The following AGTPBP1 variants were observed in gnomAD, a reference collection of about 807,000 sequenced individuals.
AGTPBP1 encodes ATP/GTP binding carboxypeptidase 1, also known as cytosolic carboxypeptidase 1.
Under a neutral mutation model 143.9 loss-of-function variants are expected in AGTPBP1, and 70 were observed. The ratio of observed to expected loss-of-function variants is 0.49; its 90% CI spans 0.40 to 0.59. The LOEUF (loss-of-function observed/expected upper bound fraction) is 0.59. AGTPBP1 is among the 20% of genes least tolerant of loss of function. The pLI is 0.00. For synonymous variants in AGTPBP1, 463 were observed against 500.2 expected, an observed-to-expected ratio of 0.93 and a Z score of 0.99; for missense variants, 1,229 against 1,464.5, an observed-to-expected ratio of 0.84 and a Z score of 2.62.
chr9:85,575,431 T>C lies in AGTPBP1; in HGVS notation c.3387A>G (p.Lys1129=). The change falls in exon 25 of 26, where the codon AAA becomes AAG. Residue 1129 remains lysine (K), a synonymous_variant. Transcript: ENST00000357081. ...GTRELEEMGA[K]FCVGLLRLKR... is the part of the protein sequence containing the mutation. Reference sequence around the variant, plus strand: ...TCAAACGTAAAAGACCAACACAAAATTTTGCTCCCATCTCTTCCAGTTCTC... The same window carrying C: ...TCAAACGTAAAAGACCAACACAAAACTTTGCTCCCATCTCTTCCAGTTCTC... The C allele has an allele frequency of 6.2e-7, 1 of 1,608,908 alleles. No individual in the cohort carries two copies. Among genetic ancestry groups the C allele is most frequent in the Non-Finnish European group, 8.5e-7 (1 of 1,178,708 alleles).
At chr9:85,800,000 T>C in the AGTPBP1 span, among the ~76,000 whole-genome samples, 6 of 152,292 alleles carry the variant, frequency 3.9e-5, no homozygotes, top group Admixed American at 2.6e-4. Context: ...GGTTTTCCCC[T>C]AAGAAGCTTC....
At chr9:85,786,129 G>T in the AGTPBP1 span, 2 of 1,607,092 alleles carry the variant, frequency 1.2e-6, no homozygotes, top group Non-Finnish European at 1.7e-6. Flanking sequence ...GAGTCCTGAA[G>T]CCAGAAGGAG....
chr9:85,660,120 G>C (rs1427827960), intron 9 of AGTPBP1, among the ~76,000 whole-genome samples: 1 of 151,718 alleles, frequency 6.6e-6, no homozygotes, highest in Non-Finnish European at 1.5e-5. Flanking sequence ...TTAAAATGTA[G>C]GGGCAAGTTG....
At chr9:85,609,149 AC>A (rs1830163322) in intron 17 of AGTPBP1, among the ~76,000 whole-genome samples, 2 of 152,186 alleles carry the variant, frequency 1.3e-5, no homozygotes, top group Non-Finnish European at 2.9e-5. Context: ...ATAAATATGT[AC>A]CTACAAATAT....
intron 14 of AGTPBP1, 34 bp downstream of exon 14, chr9:85,632,628 C>T (rs771072259): frequency 2.0e-6 from 3 of 1,517,870 alleles, no homozygotes; most frequent in South Asian, 1.3e-5. Flanking sequence ...TGACAATAGC[C>T]TTATTTAGAA....
intron 25 of AGTPBP1, among the ~76,000 whole-genome samples, chr9:85,564,615 T>C (rs931571090): frequency 1.3e-5 from 2 of 152,230 alleles, no homozygotes; most frequent in Non-Finnish European, 2.9e-5. Context: ...CAATTATATA[T>C]AGTATTCCAT....
chr9:85,753,481 G>A, the AGTPBP1 span: 1 of 1,596,596 alleles, frequency 6.3e-7, no homozygotes, highest in Non-Finnish European at 8.6e-7. Context: ...TCTAAATAGA[G>A]GTAAACTCAC....
intron 1 of AGTPBP1, among the ~76,000 whole-genome samples, chr9:85,727,311 A>T (rs902005302): frequency 6.6e-6 from 1 of 152,164 alleles, no homozygotes; most frequent in Non-Finnish European, 1.5e-5. Context: ...TGGGCAACAG[A>T]GGGGGACATC....
chr9:85,778,861 C>T, the AGTPBP1 span, among the ~76,000 whole-genome samples: 50 of 152,320 alleles, frequency 3.3e-4, no homozygotes, highest in Non-Finnish European at 6.2e-4. Context: ...TTCCTTGGTT[C>T]TCCACATATG....
rs1246715603 is a variant in AGTPBP1, at chr9:85,646,306, G to A, written c.1185+15C>T. The A allele has an allele frequency of 3.1e-6, 5 of 1,594,240 alleles. No individual in the cohort carries two copies. The highest frequency in any genetic ancestry group is 4.3e-6 in the Non-Finnish European group (5 of 1,164,722). On this transcript the variant is annotated intron_variant, in intron 12 of 25. Coordinates refer to ENST00000357081, the MANE Select transcript of AGTPBP1 (RefSeq NM_001330701.2). ...TCATTTATAAAGCTAACTAATTACA[G>A]AAATTTATACTAACCTTAAAATTTT...
the AGTPBP1 span, among the ~76,000 whole-genome samples, chr9:85,776,091 A>T: frequency 6.6e-6 from 1 of 152,160 alleles, no homozygotes; most frequent in Non-Finnish European, 1.5e-5. Flanking sequence ...ACATAATACA[A>T]CTATCCTTCG....
Position 85,610,645 on chromosome 9 carries a change from CA to C in AGTPBP1, c.2335+8337del, listed in dbSNP as rs796771409. 9.6e-4 allele frequency among the ~76,000 whole-genome samples: 143 copies of C among 148,698 alleles called. 1 individual carries two copies. Among genetic ancestry groups the C allele is most frequent in the African/African-American group, 3.3e-3 (134 of 40,592 alleles). On this transcript the variant is annotated intron_variant, in intron 17 of 25. Coordinates refer to ENST00000357081, the MANE Select transcript of AGTPBP1 (RefSeq NM_001330701.2). ...AGTACCCCAACCGGCACGCCCCAAT[CA>C]AAAAAAAAATTACAGACAATAAGCT...
intron 7 of AGTPBP1, among the ~76,000 whole-genome samples, chr9:85,670,928 T>C (rs1339069738): frequency 6.6e-6 from 1 of 152,048 alleles, no homozygotes; most frequent in Non-Finnish European, 1.5e-5. Context: ...ATTTTTACAT[T>C]TGGGGGTTTT....
At chr9:85,692,228 C>T (rs1367282103) in intron 3 of AGTPBP1, among the ~76,000 whole-genome samples, 1 of 151,524 alleles carries the variant, frequency 6.6e-6, no homozygotes, top group Non-Finnish European at 1.5e-5. Flanking sequence ...CAATTTCCTC[C>T]AAAGTTATTC....
At chr9:85,645,746 T>C (rs1223981910) in intron 12 of AGTPBP1, among the ~76,000 whole-genome samples, 1 of 152,108 alleles carries the variant, frequency 6.6e-6, no homozygotes, top group Non-Finnish European at 1.5e-5. Flanking sequence ...TCTCTATAAA[T>C]AAAGCAAAAT....
intron 19 of AGTPBP1, 126 bp from the exon 20 acceptor site, chr9:85,589,807 C>T (rs1828844730): frequency 2.2e-6 from 2 of 924,188 alleles, no homozygotes; most frequent in Non-Finnish European, 3.2e-6. Flanking sequence ...ATCCAAAACC[C>T]TCAGGGCCAG....
intron 23 of AGTPBP1, among the ~76,000 whole-genome samples, chr9:85,582,685 A>C (rs1440291649): frequency 6.6e-6 from 1 of 152,154 alleles, no homozygotes; most frequent in Non-Finnish European, 1.5e-5. Flanking sequence ...ATCTCAAAAA[A>C]AAAAGACACT....
intron 1 of AGTPBP1, 115 bp downstream of exon 1, chr9:85,741,660 C>G: frequency 4.0e-6 from 5 of 1,251,566 alleles, no homozygotes; most frequent in Non-Finnish European, 5.0e-6. Flanking sequence ...GTAAGGGGCG[C>G]AGGGATCCGG....
At chr9:85,735,116 C>T (rs1396133259) in intron 1 of AGTPBP1, among the ~76,000 whole-genome samples, 1 of 152,178 alleles carries the variant, frequency 6.6e-6, no homozygotes, top group East Asian at 1.9e-4. Context: ...GCATTATTCA[C>T]AAGCAACCCA....
Sources: allele counts gnomAD v4.1 joint callset (sites outside exome capture counted in the v4.1 genomes callset), GRCh38; gene constraint gnomAD v4.1.1; transcripts MANE v1.5; gene names NCBI Gene and HGNC (gene_info 2026-07-23, HGNC 2026-07-21).